Variants in XKR6 observed in about 807,000 individuals in gnomAD.
XKR6 encodes the protein XK-related protein 6.
XKR6 carries 22 observed loss-of-function variants against 56.7 expected under a neutral mutation model. The observed-to-expected ratio is 0.39, with a 90% CI of 0.28 to 0.55. XKR6 has a LOEUF of 0.55. Ranked by LOEUF, XKR6 falls within the 20% of genes least tolerant of loss-of-function variation. The pLI, the probability that XKR6 is intolerant of heterozygous loss-of-function variation, is 0.66. For missense variants in XKR6, 852 were observed against 889.0 expected (o/e 0.96, Z 0.53); for synonymous variants, 524 against 387.8 (o/e 1.35, Z -4.13).
intron 1 of XKR6, among the ~76,000 whole-genome samples, chr8:11,145,726 C>T (rs767637492): frequency 7.9e-5 from 12 of 152,082 alleles, no homozygotes; most frequent in Non-Finnish European, 1.3e-4. Flanking sequence ...TGGAGAGATA[C>T]GCCATATTCA....
intron 1 of XKR6, among the ~76,000 whole-genome samples, chr8:11,019,017 C>CT (rs1798689623): frequency 6.6e-6 from 1 of 152,144 alleles, no homozygotes. Context: ...CATCCTCAGG[C>CT]CCCCTCACCC....
At chr8:11,021,776 C>T (rs983156815) in intron 1 of XKR6, among the ~76,000 whole-genome samples, 2 of 152,180 alleles carry the variant, frequency 1.3e-5, no homozygotes, top group Non-Finnish European at 2.9e-5. Context: ...CTAAGACTGA[C>T]AGCCTCCTGA....
chr8:11,041,332 C>T (rs979014697), intron 1 of XKR6, among the ~76,000 whole-genome samples: 17 of 152,180 alleles, frequency 1.1e-4, no homozygotes, highest in South Asian at 4.2e-4. Context: ...CCAAGGCAGA[C>T]GGATCACAAG....
At chr8:11,027,534 C>T (rs1487574476) in intron 1 of XKR6, among the ~76,000 whole-genome samples, 1 of 152,170 alleles carries the variant, frequency 6.6e-6, no homozygotes, top group East Asian at 1.9e-4. Flanking sequence ...GGCATTCACC[C>T]CCATTTTACA....
intron 1 of XKR6, among the ~76,000 whole-genome samples, chr8:10,994,253 A>G (rs1253335384): frequency 6.6e-6 from 1 of 152,232 alleles, no homozygotes. Flanking sequence ...GTGCACCTTC[A>G]GACCCTCTCA....
chr8:11,095,054 GA>G (rs1168543120), intron 1 of XKR6, among the ~76,000 whole-genome samples: 3 of 152,148 alleles, frequency 2.0e-5, no homozygotes, highest in South Asian at 4.2e-4. Context: ...AAGTTGGAAA[GA>G]AAAAAAGTAG....
intron 1 of XKR6, among the ~76,000 whole-genome samples, chr8:11,089,922 G>C (rs889302060): frequency 2.4e-4 from 37 of 151,882 alleles, no homozygotes; most frequent in African/African-American, 8.7e-4. Flanking sequence ...ATATATAATA[G>C]TTTGTTTTAA....
At chr8:11,030,659 A>T (rs191819032) in intron 1 of XKR6, among the ~76,000 whole-genome samples, 1 of 147,618 alleles carries the variant, frequency 6.8e-6, no homozygotes, top group Admixed American at 6.7e-5. Flanking sequence ...GAGGGGAGGG[A>T]CTCAGTTAAT....
At position 10,924,617 on chromosome 8, in the gene XKR6, G is replaced by A. The variant is rs778154948; in HGVS notation, c.961+17C>T. On this transcript the variant is annotated intron_variant, in intron 2 of 2. Coordinates refer to ENST00000416569, the MANE Select transcript of XKR6 (RefSeq NM_173683.4). ...AGGGCAGGCCGGGGTGGCGGGGCGCGGCCGGCGGGCACTCACAGGGCAGGG... is the reference window on the plus strand; with the variant it reads ...AGGGCAGGCCGGGGTGGCGGGGCGCAGCCGGCGGGCACTCACAGGGCAGGG... The A allele has an allele frequency of 2.6e-5, 42 of 1,591,416 alleles. No individual in the cohort carries two copies. The highest frequency in any genetic ancestry group is 8.9e-5 in the South Asian group (8 of 89,604).
At chr8:11,152,193 A>G (rs1801301444) in intron 1 of XKR6, among the ~76,000 whole-genome samples, 1 of 152,230 alleles carries the variant, frequency 6.6e-6, no homozygotes, top group Non-Finnish European at 1.5e-5. Flanking sequence ...TGCTAAGGAC[A>G]TTAGTGCTAT....
chr8:11,191,773 C>T (rs1204986312), intron 1 of XKR6, among the ~76,000 whole-genome samples: 2 of 151,408 alleles, frequency 1.3e-5, no homozygotes, highest in Non-Finnish European at 2.9e-5. Context: ...TTTATCAAGT[C>T]CCTGATTGGA....
intron 1 of XKR6, among the ~76,000 whole-genome samples, chr8:11,065,932 G>A (rs1421285239): frequency 6.6e-6 from 1 of 152,172 alleles, no homozygotes; most frequent in Non-Finnish European, 1.5e-5. Context: ...CAGTACCTGG[G>A]TTCCTGGGTA....
rs1005815865 is a variant in XKR6, at chr8:10,924,941, T to A, written c.765-111A>T. On this transcript the variant is annotated intron_variant, in intron 1 of 2. Coordinates refer to ENST00000416569, the MANE Select transcript of XKR6 (RefSeq NM_173683.4). ...GACTCAGCATCCCCCCAACTCCCTA[T>A]GCTCTGAAGTTCCCAGAGGCTTGGA... 4.3e-6 allele frequency: 5 copies of A among 1,166,604 alleles called. No individual in the cohort carries two copies. The African/African-American group carries it at 4.7e-5, about 11-fold the overall frequency. The allele number at this position is 1,166,604 out of a possible 1,614,324, so 72.3% of individuals were successfully genotyped here. A position where few individuals can be genotyped will look rare whatever the true frequency, so the allele number is the denominator to read the frequency against.
At position 11,021,222 on chromosome 8, in the gene XKR6, T is replaced by A. The variant is rs140172262; in HGVS notation, c.765-96392A>T. ...GCCTCTTACAGGAAGGCACTGCAGG[T>A]CTCACAGGGAGAGGAAGAGTTATAC... On this transcript the variant is annotated intron_variant, in intron 1 of 2. Coordinates refer to ENST00000416569, the MANE Select transcript of XKR6 (RefSeq NM_173683.4). Among the ~76,000 whole-genome samples the A allele has an allele frequency of 8.5e-5, 13 of 152,288 alleles. No homozygotes were observed. The East Asian group carries it at 2.3e-3, about 27-fold the overall frequency.
rs956229986 is a variant in XKR6 at position 11,117,555 on chromosome 8, G to C, written c.764+83021C>G. Among the ~76,000 whole-genome samples, 3 of 152,118 alleles carry C rather than the reference G, an allele frequency of 2.0e-5. No individual in the cohort carries two copies. In the East Asian group the frequency reaches 5.8e-4, roughly 29 times the overall value. On this transcript the variant is annotated intron_variant, in intron 1 of 2. Transcript: ENST00000416569. The stretch of plus-strand genomic sequence containing the variant: ...ATTCCTTAAGCCAAAATAACATCCA[G>C]AAATGTCACATTTAATCTGAAAATG...
chr8:11,032,690 C>T (rs1294314558), intron 1 of XKR6, among the ~76,000 whole-genome samples: 1 of 152,178 alleles, frequency 6.6e-6, no homozygotes, highest in Non-Finnish European at 1.5e-5. Flanking sequence ...AGCAGGATGG[C>T]TCAGGAGCTG....
Position 11,201,272 on chromosome 8 carries a change from G to A in XKR6, c.68C>T (p.Ala23Val), listed in dbSNP as rs1386415388. Residue 23 changes from alanine to valine, a missense_variant, in exon 1 of 3, where the codon GCG becomes GTG. Physicochemically the swap from Ala to Val is moderately conservative, Grantham distance 64. Around this residue, in one of 4 missense-constraint regions of XKR6, gnomAD observed 417 missense variants for 355.2 expected, o/e 1.17. Coordinates refer to ENST00000416569, the MANE Select transcript of XKR6 (RefSeq NM_173683.4). Reference sequence around the variant, plus strand: ...GTCCTCCTCGCCGCCGCTGCCCACCGCCTCGTCCAGGTTGTGCAGCTGAGC... The same window carrying A: ...GTCCTCCTCGCCGCCGCTGCCCACCACCTCGTCCAGGTTGTGCAGCTGAGC... ...GFAQLHNLDE[A>V]VGSGGEEDGE... 5 of 1,568,404 alleles carry A rather than the reference G, an allele frequency of 3.2e-6. No homozygotes were observed. The highest frequency in any genetic ancestry group is 1.4e-5 in the African/African-American group (1 of 71,990).
In XKR6 at chr8:10,973,052, C is replaced by T. The variant is rs553435503; in HGVS notation, c.765-48222G>A. 5.9e-5 allele frequency among the ~76,000 whole-genome samples: 9 copies of T among 152,222 alleles called. No homozygotes were observed. In the South Asian group the frequency reaches 1.7e-3, roughly 28 times the overall value. ...TTGCTGTTTCTGGTTTCTTGATAGA[C>T]GAGGCTTACGATTAGCCTCTTCAAG... On this transcript the variant is annotated intron_variant, in intron 1 of 2. Coordinates refer to ENST00000416569, the MANE Select transcript of XKR6 (RefSeq NM_173683.4).
chr8:10,979,157 G>T (rs527372828), intron 1 of XKR6, among the ~76,000 whole-genome samples: 436 of 151,882 alleles, frequency 2.9e-3, no homozygotes, highest in South Asian at 6.7e-3. Context: ...GAGGTTCTGG[G>T]GATCTCACGG....
Sources: allele counts gnomAD v4.1 joint callset (sites outside exome capture counted in the v4.1 genomes callset), GRCh38; gene constraint gnomAD v4.1.1; regional missense constraint gnomAD v4.1.1; transcripts MANE v1.5; gene names NCBI Gene and HGNC (gene_info 2026-07-23, HGNC 2026-07-21).